Variants in KLHL1 observed in about 807,000 individuals in gnomAD.
KLHL1 encodes the protein kelch like family member 1.
Under a neutral mutation model 77.7 loss-of-function variants are expected in KLHL1, and 47 were observed. The observed-to-expected ratio is 0.60, with a 90% CI of 0.48 to 0.77. The LOEUF is 0.77. Ranked by LOEUF, KLHL1 falls within the 30% of genes least tolerant of loss-of-function variation. The pLI, the probability that KLHL1 is intolerant of heterozygous loss-of-function variation, is 0.00. For synonymous variants in KLHL1, 360 were observed against 325.2 expected, an observed-to-expected ratio of 1.11 and a Z score of -1.15; for missense variants, 925 against 910.8, an observed-to-expected ratio of 1.02 and a Z score of -0.20.
At chr13:70,100,727 GT>G (rs1256645980) in intron 1 of KLHL1, among the ~76,000 whole-genome samples, 3 of 152,102 alleles carry the variant, frequency 2.0e-5, no homozygotes, top group African/African-American at 7.2e-5. Context: ...TTTCTTTAAA[GT>G]TTTAAATAAC....
At chr13:70,068,799 T>C (rs1887073668) in intron 1 of KLHL1, among the ~76,000 whole-genome samples, 1 of 152,218 alleles carries the variant, frequency 6.6e-6, no homozygotes, top group African/African-American at 2.4e-5. Flanking sequence ...AACATGCAGT[T>C]TGAAATTTAA....
At chr13:69,766,365 TTC>T (rs922964161) in intron 7 of KLHL1, among the ~76,000 whole-genome samples, 2 of 151,820 alleles carry the variant, frequency 1.3e-5, no homozygotes, top group African/African-American at 2.4e-5. Context: ...AGAAAGTAGG[TTC>T]TCTCTCTCTG....
intron 6 of KLHL1, among the ~76,000 whole-genome samples, chr13:69,837,903 A>T (rs1220087763): frequency 6.6e-6 from 1 of 151,424 alleles, no homozygotes; most frequent in Non-Finnish European, 1.5e-5. Flanking sequence ...ATATTCATCC[A>T]TGTGATGACA....
chr13:69,933,000 CAGAGGAAGA>C (rs144453328), intron 4 of KLHL1, among the ~76,000 whole-genome samples: 2,918 of 151,946 alleles, frequency 0.019, 40 homozygotes, highest in Middle Eastern at 0.054. Flanking sequence ...AAAACAAAAA[CAGAGGAAGA>C]AGAGAAATTT....
At chr13:70,014,504 A>C (rs1885609857) in intron 1 of KLHL1, among the ~76,000 whole-genome samples, 1 of 152,116 alleles carries the variant, frequency 6.6e-6, no homozygotes. Flanking sequence ...AGAATATAGA[A>C]ATGACAGTTA....
intron 3 of KLHL1, among the ~76,000 whole-genome samples, chr13:69,959,804 T>C (rs1163401419): frequency 6.6e-6 from 1 of 151,946 alleles, no homozygotes; most frequent in Admixed American, 6.6e-5. Context: ...AACTATCCTC[T>C]CGCAAAGATG....
At chr13:69,788,573 A>G (rs921199509) in intron 7 of KLHL1, among the ~76,000 whole-genome samples, 1 of 152,172 alleles carries the variant, frequency 6.6e-6, no homozygotes, top group African/African-American at 2.4e-5. Flanking sequence ...ATGATGAGTT[A>G]ATGGGTACAG....
intron 4 of KLHL1, among the ~76,000 whole-genome samples, chr13:69,910,478 C>T (rs1007410580): frequency 1.8e-4 from 28 of 151,968 alleles, no homozygotes; most frequent in Non-Finnish European, 1.0e-4. Context: ...ATTCATACCA[C>T]GGCCATCAAA....
chr13:70,082,016 C>T (rs1025352606), intron 1 of KLHL1, among the ~76,000 whole-genome samples: 3 of 152,066 alleles, frequency 2.0e-5, no homozygotes, highest in African/African-American at 7.2e-5. Context: ...GTGATACTGA[C>T]TGAGTTCTCA....
intron 1 of KLHL1, among the ~76,000 whole-genome samples, chr13:70,022,165 G>A (rs1251140366): frequency 2.0e-5 from 3 of 151,782 alleles, no homozygotes; most frequent in African/African-American, 4.8e-5. Context: ...GAGGGTATAA[G>A]GTTTGTTTAT....
At chr13:69,998,918 G>A (rs942658212) in intron 1 of KLHL1, among the ~76,000 whole-genome samples, 2 of 151,876 alleles carry the variant, frequency 1.3e-5, no homozygotes, top group Non-Finnish European at 2.9e-5. Context: ...GCTTTAATCT[G>A]GGGGATGCTT....
At chr13:69,832,844 CAT>C (rs1386719340) in intron 6 of KLHL1, among the ~76,000 whole-genome samples, 2 of 150,294 alleles carry the variant, frequency 1.3e-5, no homozygotes, top group Non-Finnish European at 2.9e-5. Context: ...GAAACAAAAA[CAT>C]AGAGTGGGGA....
intron 1 of KLHL1, among the ~76,000 whole-genome samples, chr13:70,100,477 T>C: frequency 6.6e-6 from 1 of 152,234 alleles, no homozygotes; most frequent in Middle Eastern, 3.4e-3. Context: ...TTTACAGATA[T>C]GACAAACTTG....
chr13:69,836,088 G>A (rs1878977265), intron 6 of KLHL1, among the ~76,000 whole-genome samples: 1 of 152,036 alleles, frequency 6.6e-6, no homozygotes, highest in South Asian at 2.1e-4. Context: ...CAGAAAGAGG[G>A]GACGTGAATG....
At chr13:69,780,663 T>C (rs1357033389) in intron 7 of KLHL1, among the ~76,000 whole-genome samples, 1 of 136,516 alleles carries the variant, frequency 7.3e-6, no homozygotes, top group Non-Finnish European at 1.6e-5. Flanking sequence ...GATGATAAAT[T>C]TCACTCTGAA....
intron 1 of KLHL1, among the ~76,000 whole-genome samples, chr13:70,008,405 T>C (rs537230656): frequency 1.6e-4 from 24 of 152,086 alleles, no homozygotes; most frequent in Non-Finnish European, 2.8e-4. Flanking sequence ...TTTTTGTCAT[T>C]CTATGAACAT....
At chr13:69,920,643 T>A (rs1396943422) in intron 4 of KLHL1, among the ~76,000 whole-genome samples, 1 of 152,106 alleles carries the variant, frequency 6.6e-6, no homozygotes, top group Non-Finnish European at 1.5e-5. Context: ...TATAAATTTA[T>A]GGCAGCCTGG....
intron 3 of KLHL1, among the ~76,000 whole-genome samples, chr13:69,949,702 T>A (rs1007010467): frequency 2.3e-4 from 35 of 151,912 alleles, no homozygotes; most frequent in African/African-American, 8.4e-4. Flanking sequence ...CTATTCTCCA[T>A]CATTTATTGG....
At chr13:70,085,235 GA>G (rs977603549) in intron 1 of KLHL1, among the ~76,000 whole-genome samples, 1 of 152,128 alleles carries the variant, frequency 6.6e-6, no homozygotes, top group African/African-American at 2.4e-5. Flanking sequence ...GAGAGAGAGA[GA>G]ACGGGAAGTG....
Sources: gnomAD v4.1 joint callset for allele counts (sites outside exome capture counted in the v4.1 genomes callset) on GRCh38, gnomAD v4.1.1 for gene constraint, MANE v1.5 for transcripts, NCBI Gene and HGNC (gene_info 2026-07-23, HGNC 2026-07-21) for gene names.